The following CHST9 variants were observed in gnomAD, a reference collection of about 807,000 sequenced individuals.
CHST9 encodes carbohydrate sulfotransferase 9, also known as GalNAc-4-sulfotransferase 2.
Under a neutral mutation model 44.4 loss-of-function variants are expected in CHST9, and 41 were observed. That is an observed-to-expected ratio of 0.92 (90% CI 0.72 to 1.20). The LOEUF is 1.20. CHST9 is among the 50% of genes most tolerant of loss of function. CHST9 has a pLI of 0.00. For missense variants in CHST9, 504 were observed against 516.5 expected (o/e 0.98, Z 0.23); for synonymous variants, 171 against 178.4 (o/e 0.96, Z 0.33).
chr18:26,909,306 A>T lies in CHST9; in HGVS notation c.*6953T>A, dbSNP rs937920079. ...TATCATTTATAATCAACCAGGACTT[A>T]AAAAATTCACACACACACGAGAAGT... On this transcript the variant is annotated 3_prime_UTR_variant, in exon 6 of 6. Transcript: ENST00000618847. 1 of 152,230 alleles carries T rather than the reference A, an allele frequency of 6.6e-6. No homozygotes were observed. Among genetic ancestry groups the T allele is most frequent in the African/African-American group, 2.4e-5 (1 of 41,464 alleles). The allele number at this position is 152,230 out of a possible 1,614,324, so 9.4% of individuals were successfully genotyped here. A position where few individuals can be genotyped will look rare whatever the true frequency, so the allele number is the denominator to read the frequency against.
chr18:27,006,765 C>A (rs16943164), intron 4 of CHST9, among the ~76,000 whole-genome samples: 23,918 of 152,148 alleles, frequency 0.16, 2,086 homozygotes, highest in East Asian at 0.26. Flanking sequence ...ATAAAAACTG[C>A]AGAGAAAAGT....
intron 2 of CHST9, among the ~76,000 whole-genome samples, chr18:27,054,470 T>A (rs1202891621): frequency 1.3e-5 from 2 of 152,158 alleles, no homozygotes; most frequent in Non-Finnish European, 2.9e-5. Context: ...AGATAAAACT[T>A]TTTCCTTATA....
At chr18:27,019,344 T>C (rs1289216442) in intron 4 of CHST9, among the ~76,000 whole-genome samples, 1 of 152,168 alleles carries the variant, frequency 6.6e-6, no homozygotes, top group African/African-American at 2.4e-5. Flanking sequence ...ATGCTATCAA[T>C]ATGTAAAAAG....
intron 2 of CHST9, among the ~76,000 whole-genome samples, chr18:27,097,849 C>A (rs1046430969): frequency 7.9e-5 from 12 of 152,016 alleles, no homozygotes; most frequent in African/African-American, 2.9e-4. Context: ...AATCCTTTCC[C>A]CATTTCTTGT....
chr18:27,029,096 T>C (rs1362244665), intron 3 of CHST9, among the ~76,000 whole-genome samples: 1 of 152,036 alleles, frequency 6.6e-6, no homozygotes, highest in African/African-American at 2.4e-5. Flanking sequence ...TTGTGGTGGG[T>C]TGGGTGTGCT....
chr18:26,920,543 G>T (rs111389144), intron 5 of CHST9, among the ~76,000 whole-genome samples: 23 of 152,248 alleles, frequency 1.5e-4, no homozygotes, highest in African/African-American at 5.1e-4. Context: ...TATAACTGCA[G>T]AGAGGTCTTA....
chr18:26,999,777 T>C (rs141979514), intron 4 of CHST9, among the ~76,000 whole-genome samples: 289 of 152,282 alleles, frequency 1.9e-3, no homozygotes, highest in African/African-American at 6.8e-3. Flanking sequence ...ATGTATAAAA[T>C]ATAACAGAGT....
chr18:27,012,598 T>C (rs1338375580), intron 4 of CHST9, among the ~76,000 whole-genome samples: 6 of 152,178 alleles, frequency 3.9e-5, no homozygotes, highest in Admixed American at 1.3e-4. Context: ...CAGGGTTAAC[T>C]GTAGTTCCTT....
intron 4 of CHST9, among the ~76,000 whole-genome samples, chr18:27,017,263 C>A (rs1411266752): frequency 6.6e-6 from 1 of 152,136 alleles, no homozygotes; most frequent in Non-Finnish European, 1.5e-5. Flanking sequence ...GACATAACCC[C>A]ATCATAAGTC....
At chr18:26,985,693 G>A (rs1285669272) in intron 4 of CHST9, among the ~76,000 whole-genome samples, 6 of 152,320 alleles carry the variant, frequency 3.9e-5, no homozygotes, top group Admixed American at 2.6e-4. Context: ...AGCAATTTCT[G>A]ATGAGTACAT....
At chr18:26,996,172 G>A (rs534953567) in intron 4 of CHST9, among the ~76,000 whole-genome samples, 2 of 152,288 alleles carry the variant, frequency 1.3e-5, no homozygotes, top group African/African-American at 2.4e-5. Flanking sequence ...GATACCCAGG[G>A]TAGTCCGTCA....
intron 3 of CHST9, among the ~76,000 whole-genome samples, chr18:27,026,488 T>C (rs2057286656): frequency 6.6e-6 from 1 of 152,146 alleles, no homozygotes; most frequent in Admixed American, 6.5e-5. Flanking sequence ...TTTTGAATTG[T>C]CTCCTAAGGA....
At chr18:27,072,442 T>G (rs2057851180) in intron 2 of CHST9, among the ~76,000 whole-genome samples, 5 of 152,054 alleles carry the variant, frequency 3.3e-5, no homozygotes, top group Admixed American at 3.3e-4. Context: ...AAAAGGCTTT[T>G]CCTTAGCAAC....
At position 27,053,292 on chromosome 18, in the gene CHST9, G is replaced by A. The variant is rs1287119015; in HGVS notation, c.122-4789C>T. Among the ~76,000 whole-genome samples the A allele has an allele frequency of 1.8e-3, 241 of 132,848 alleles. 5 individuals are homozygous for A. Among genetic ancestry groups the A allele is most frequent in the African/African-American group, 2.6e-3 (89 of 34,820 alleles). 87.2% of individuals were successfully genotyped at this position (132,848 alleles called of 152,430 possible). A position where few individuals can be genotyped will look rare whatever the true frequency, so the allele number is the denominator to read the frequency against. Reference sequence around the variant, plus strand: ...GGAGAAGGAGAAGGAGAAGGAGAAGGAGAAGGAGAAGGAGAAGGAGAAGGA... The same window carrying A: ...GGAGAAGGAGAAGGAGAAGGAGAAGAAGAAGGAGAAGGAGAAGGAGAAGGA... On this transcript the variant is annotated intron_variant, in intron 2 of 5. Transcript: ENST00000618847.
chr18:27,014,689 C>A lies in CHST9; in HGVS notation c.202+9427G>T, dbSNP rs1375454269. ...ATAAAGTCCACCTCCTGAAAAAAAA[C>A]ATTTAAATTGAACAGTGATTGATTG... On this transcript the variant is annotated intron_variant, in intron 4 of 5. Coordinates refer to ENST00000618847, the MANE Select transcript of CHST9 (RefSeq NM_031422.6). Among the ~76,000 whole-genome samples the A allele has an allele frequency of 5.9e-5, 9 of 151,832 alleles. No homozygotes were observed. The South Asian group carries it at 1.9e-3, about 32-fold the overall frequency.
At chr18:26,952,831 G>A (rs557702943) in intron 4 of CHST9, among the ~76,000 whole-genome samples, 7 of 152,288 alleles carry the variant, frequency 4.6e-5, no homozygotes, top group African/African-American at 1.2e-4. Flanking sequence ...AGGGTCAGGT[G>A]GCAGAGAGAA....
chr18:27,169,589 T>C (rs929403843), intron 1 of CHST9, among the ~76,000 whole-genome samples: 1 of 148,164 alleles, frequency 6.7e-6, no homozygotes, highest in African/African-American at 2.5e-5. Context: ...GTATAAAACA[T>C]ATATTCTTCT....
At chr18:26,956,668 T>C (rs1462964097) in intron 4 of CHST9, among the ~76,000 whole-genome samples, 4 of 152,034 alleles carry the variant, frequency 2.6e-5, no homozygotes, top group Non-Finnish European at 4.4e-5. Context: ...CTTAAGTCAT[T>C]CTCAAATTTA....
In CHST9 at chr18:26,917,200, T is replaced by C. The variant is rs1283882481; in HGVS notation, c.391A>G (p.Lys131Glu). ...LSKSTGSPTE[K>E]LIEKRQGAKT... ...GCTCCTTGACGTTTTTCAATCAACTTCTCTGTTGGTGACCCTGTGGACTTA... is the reference window on the plus strand; with the variant it reads ...GCTCCTTGACGTTTTTCAATCAACTCCTCTGTTGGTGACCCTGTGGACTTA... The change falls in exon 6 of 6, where the codon AAG becomes GAG. Residue 131 changes from lysine (K) to glutamate (E), a missense_variant. Coordinates refer to ENST00000618847, the MANE Select transcript of CHST9 (RefSeq NM_031422.6). 6.2e-7 allele frequency: 1 copy of C among 1,613,954 alleles called. No homozygotes were observed. The highest frequency in any genetic ancestry group is 8.5e-7 in the Non-Finnish European group (1 of 1,179,872).
Sources: gnomAD v4.1 joint callset for allele counts (sites outside exome capture counted in the v4.1 genomes callset) on GRCh38, gnomAD v4.1.1 for gene constraint, MANE v1.5 for transcripts, NCBI Gene and HGNC (gene_info 2026-07-23, HGNC 2026-07-21) for gene names.